The following ADCK1 variants were observed in gnomAD, a reference collection of about 807,000 sequenced individuals.
The protein encoded by ADCK1 is aarF domain-containing protein kinase 1.
A neutral mutation model predicts 52.3 loss-of-function variants in ADCK1; 41 were observed. That is an observed-to-expected ratio of 0.78 (90% CI 0.61 to 1.02). The LOEUF (loss-of-function observed/expected upper bound fraction) is 1.02, where lower values mean the gene tolerates loss of function less well. ADCK1 is among the 50% of genes least tolerant of loss of function. ADCK1 has a pLI of 0.00. For missense variants in ADCK1, 658 were observed against 679.5 expected, an observed-to-expected ratio of 0.97 and a Z score of 0.35; for synonymous variants, 250 against 274.6, an observed-to-expected ratio of 0.91 and a Z score of 0.89.
chr14:77,855,243 T>C (rs562109823), intron 3 of ADCK1, among the ~76,000 whole-genome samples: 66 of 152,352 alleles, frequency 4.3e-4, no homozygotes, highest in African/African-American at 1.5e-3. Context: ...CATGCGTGAT[T>C]GAAACAAATC....
At chr14:77,863,634 C>T (rs10132717) in intron 4 of ADCK1, among the ~76,000 whole-genome samples, 19,418 of 151,922 alleles carry the variant, frequency 0.13, 1,500 homozygotes, top group African/African-American at 0.19. Context: ...GTCAAGAGTT[C>T]GAGACCAGCC....
intron 5 of ADCK1, among the ~76,000 whole-genome samples, chr14:77,892,390 C>T (rs2083300391): frequency 6.6e-6 from 1 of 152,154 alleles, no homozygotes; most frequent in Non-Finnish European, 1.5e-5. Context: ...GAAAATCCAA[C>T]TGAAAGTGGT....
chr14:77,882,204 GTC>G (rs769981476), intron 4 of ADCK1, among the ~76,000 whole-genome samples: 1 of 152,210 alleles, frequency 6.6e-6, no homozygotes, highest in African/African-American at 2.4e-5. Context: ...ACAGATACTT[GTC>G]TCTCTGCTCA....
chr14:77,905,111 G>A (rs1480575516), intron 6 of ADCK1, among the ~76,000 whole-genome samples: 1 of 151,980 alleles, frequency 6.6e-6, no homozygotes, highest in Non-Finnish European at 1.5e-5. Context: ...TGTTTCCCAG[G>A]TTTGATATTT....
intron 7 of ADCK1, among the ~76,000 whole-genome samples, chr14:77,913,596 A>G (rs1315162050): frequency 2.6e-5 from 4 of 152,202 alleles, no homozygotes; most frequent in Admixed American, 6.5e-5. Context: ...CCACAGAACA[A>G]CTATTGATTG....
At chr14:77,931,144 T>G (rs1179777130) in intron 9 of ADCK1, among the ~76,000 whole-genome samples, 1 of 152,158 alleles carries the variant, frequency 6.6e-6, no homozygotes, top group Non-Finnish European at 1.5e-5. Flanking sequence ...CAGCCTGAGC[T>G]AGGCTTGGAG....
At chr14:77,900,215 C>T (rs1370463576) in intron 6 of ADCK1, among the ~76,000 whole-genome samples, 2 of 152,160 alleles carry the variant, frequency 1.3e-5, no homozygotes, top group Non-Finnish European at 2.9e-5. Context: ...TGGCACTTTA[C>T]CTTGAGCCTG....
At chr14:77,866,849 G>C (rs1195349481) in intron 4 of ADCK1, among the ~76,000 whole-genome samples, 1 of 152,134 alleles carries the variant, frequency 6.6e-6, no homozygotes, top group Non-Finnish European at 1.5e-5. Context: ...CTAGGAGTAG[G>C]GAAGTGGTTA....
At chr14:77,827,078 G>A (rs555029195) in intron 3 of ADCK1, among the ~76,000 whole-genome samples, 27 of 152,176 alleles carry the variant, frequency 1.8e-4, no homozygotes, top group African/African-American at 5.5e-4. Context: ...ATTTGGCTGG[G>A]CACGGTGGCT....
intron 6 of ADCK1, among the ~76,000 whole-genome samples, chr14:77,903,712 G>T (rs896683877): frequency 6.6e-6 from 1 of 152,110 alleles, no homozygotes; most frequent in African/African-American, 2.4e-5. Context: ...GGGGATAGGT[G>T]TGCAGGGCCA....
chr14:77,832,574 C>CA (rs2081879196), intron 3 of ADCK1, among the ~76,000 whole-genome samples: 1 of 152,190 alleles, frequency 6.6e-6, no homozygotes, highest in South Asian at 2.1e-4. Flanking sequence ...ATTTGGGAAA[C>CA]ACCGGAGGAG....
Position 77,933,189 on chromosome 14 carries a change from CT to C in ADCK1, c.1401-27del, listed in dbSNP as rs1183748154. 5 of 1,606,650 alleles carry C rather than the reference CT, an allele frequency of 3.1e-6. No homozygotes were observed. In the South Asian group the frequency reaches 5.5e-5, roughly 18 times the overall value. On this transcript the variant is annotated intron_variant, in intron 10 of 10. Coordinates refer to ENST00000238561, the MANE Select transcript of ADCK1 (RefSeq NM_020421.4). ...GCTAGTGTTTCTTGCCTCTTTATCT[CT>C]TTTCTCCTTTTTTCTTTCCCTTTTT...
chr14:77,873,585 G>A (rs1045654935), intron 4 of ADCK1, among the ~76,000 whole-genome samples: 1 of 152,228 alleles, frequency 6.6e-6, no homozygotes, highest in Non-Finnish European at 1.5e-5. Context: ...TGGCTGGGAT[G>A]AGGCTGGGTG....
intron 3 of ADCK1, among the ~76,000 whole-genome samples, chr14:77,834,353 G>A (rs1004694137): frequency 3.3e-5 from 5 of 152,146 alleles, no homozygotes; most frequent in Middle Eastern, 3.2e-3. Context: ...CTGCAAGGTC[G>A]TACTTTGAGA....
chr14:77,839,344 A>G (rs2082019928), intron 3 of ADCK1, among the ~76,000 whole-genome samples: 1 of 152,156 alleles, frequency 6.6e-6, no homozygotes, highest in Non-Finnish European at 1.5e-5. Flanking sequence ...CTCCCTTCCC[A>G]TGGCCCTGCT....
chr14:77,840,885 G>T (rs1166544245), intron 3 of ADCK1, among the ~76,000 whole-genome samples: 4 of 129,168 alleles, frequency 3.1e-5, no homozygotes, highest in Non-Finnish European at 6.5e-5. Flanking sequence ...GGAGAGAAGG[G>T]AAGGGGAGAG....
intron 10 of ADCK1, 38 bp from the exon 11 acceptor site, chr14:77,933,182 T>A (rs767448653): frequency 1.9e-6 from 3 of 1,602,760 alleles, no homozygotes; most frequent in Non-Finnish European, 2.6e-6. Flanking sequence ...TTCTTGCCTC[T>A]TTATCTCTTT....
intron 1 of ADCK1, among the ~76,000 whole-genome samples, chr14:77,817,519 C>T (rs1190898989): frequency 3.9e-5 from 6 of 152,088 alleles, no homozygotes; most frequent in Non-Finnish European, 7.4e-5. Context: ...GTGCACTGGC[C>T]GCAAAGAGTG....
chr14:77,929,040 AT>A (rs2084261709), intron 9 of ADCK1, among the ~76,000 whole-genome samples: 1 of 152,168 alleles, frequency 6.6e-6, no homozygotes, highest in Non-Finnish European at 1.5e-5. Flanking sequence ...GTAGAGGGGC[AT>A]TTGTGAATGT....
Sources: gnomAD v4.1 joint callset for allele counts (sites outside exome capture counted in the v4.1 genomes callset) on GRCh38, gnomAD v4.1.1 for gene constraint, MANE v1.5 for transcripts, NCBI Gene and HGNC (gene_info 2026-07-23, HGNC 2026-07-21) for gene names.